Variants in ROBO1 observed in about 807,000 individuals in gnomAD.
ROBO1 encodes roundabout guidance receptor 1.
Under a neutral mutation model 195.9 loss-of-function variants are expected in ROBO1, and 149 were observed. That is an observed-to-expected ratio of 0.76 (90% CI 0.67 to 0.87). The LOEUF is 0.87. Among genes scored for constraint, ROBO1 ranks in the 40% least tolerant of loss-of-function variants. ROBO1 has a pLI of 0.00. For synonymous variants in ROBO1, 816 were observed against 733.2 expected, an observed-to-expected ratio of 1.11 and a Z score of -1.82; for missense variants, 1,933 against 2,068.3, an observed-to-expected ratio of 0.93 and a Z score of 1.27.
chr3:79,684,386 T>C (rs1482208444), intron 1 of ROBO1, among the ~76,000 whole-genome samples: 1 of 152,124 alleles, frequency 6.6e-6, no homozygotes, highest in African/African-American at 2.4e-5. Flanking sequence ...GATTTCCTTA[T>C]GATTCTTTCC....
chr3:78,696,649 T>C (rs1411638095), intron 8 of ROBO1, among the ~76,000 whole-genome samples: 5 of 146,890 alleles, frequency 3.4e-5, no homozygotes, highest in African/African-American at 1.3e-4. Flanking sequence ...TATATATATA[T>C]ATACACATAT....
At chr3:79,102,957 G>A (rs748902686) in intron 3 of ROBO1, among the ~76,000 whole-genome samples, 5 of 151,640 alleles carry the variant, frequency 3.3e-5, no homozygotes, top group African/African-American at 1.2e-4. Flanking sequence ...TAAAAATGTT[G>A]TATGTATTTG....
chr3:79,486,565 C>T (rs1939171297), intron 2 of ROBO1, among the ~76,000 whole-genome samples: 1 of 152,142 alleles, frequency 6.6e-6, no homozygotes, highest in African/African-American at 2.4e-5. Flanking sequence ...AAAAAGGTTA[C>T]ATGAACAAAT....
chr3:79,472,390 A>C (rs151222590), intron 2 of ROBO1, among the ~76,000 whole-genome samples: 85 of 152,228 alleles, frequency 5.6e-4, no homozygotes, highest in Non-Finnish European at 1.0e-3. Flanking sequence ...ACCGTTAAAT[A>C]TATCCAATAA....
At chr3:78,965,289 T>A (rs1371563165) in intron 3 of ROBO1, among the ~76,000 whole-genome samples, 4 of 152,176 alleles carry the variant, frequency 2.6e-5, no homozygotes. Flanking sequence ...CATTCAAGAT[T>A]TAATGCTGAA....
At chr3:79,375,503 C>T (rs2036349000) in intron 2 of ROBO1, among the ~76,000 whole-genome samples, 1 of 152,176 alleles carries the variant, frequency 6.6e-6, no homozygotes, top group Non-Finnish European at 1.5e-5. Context: ...TTCTAATGCT[C>T]AGAGTTGAAA....
At chr3:79,583,683 C>A (rs976309181) in intron 2 of ROBO1, among the ~76,000 whole-genome samples, 3 of 151,754 alleles carry the variant, frequency 2.0e-5, no homozygotes, top group Non-Finnish European at 4.4e-5. Flanking sequence ...TATCATTAAT[C>A]TACTAGTGTT....
chr3:78,830,773 C>T (rs2032103434), intron 4 of ROBO1, among the ~76,000 whole-genome samples: 1 of 152,130 alleles, frequency 6.6e-6, no homozygotes, highest in African/African-American at 2.4e-5. Context: ...GAATTTCTAG[C>T]AGAAAGTTTC....
intron 3 of ROBO1, among the ~76,000 whole-genome samples, chr3:78,986,376 G>T (rs147185189): frequency 6.6e-6 from 1 of 151,750 alleles, no homozygotes; most frequent in Non-Finnish European, 1.5e-5. Context: ...AGGAAAAAAA[G>T]AATAAAACCT....
At chr3:78,765,392 T>G (rs2083205396) in intron 4 of ROBO1, among the ~76,000 whole-genome samples, 1 of 152,012 alleles carries the variant, frequency 6.6e-6, no homozygotes, top group South Asian at 2.1e-4. Context: ...AACATAAAAT[T>G]TATTATTAAA....
In ROBO1 at chr3:78,822,093, T is replaced by C. The variant is rs199828130; in HGVS notation, c.500-75193A>G. Among the ~76,000 whole-genome samples the C allele has an allele frequency of 1.2e-4, 18 of 146,950 alleles. No homozygotes were observed. In the South Asian group the frequency reaches 1.3e-3, roughly 11 times the overall value. On this transcript the variant is annotated intron_variant, in intron 4 of 30. Coordinates refer to ENST00000464233, the MANE Select transcript of ROBO1 (RefSeq NM_002941.4). ...AGTCTCTGGGAAACACACATATACA[T>C]ACACACACACACACACACACACACA...
At chr3:79,574,874 C>A (rs1270612088) in intron 2 of ROBO1, among the ~76,000 whole-genome samples, 1 of 151,212 alleles carries the variant, frequency 6.6e-6, no homozygotes, top group Non-Finnish European at 1.5e-5. Flanking sequence ...AAGTCACAAT[C>A]AACTAAACAC....
intron 2 of ROBO1, among the ~76,000 whole-genome samples, chr3:79,359,871 T>C (rs2035701798): frequency 6.6e-6 from 1 of 151,910 alleles, no homozygotes; most frequent in Non-Finnish European, 1.5e-5. Context: ...GCAGTAGGCG[T>C]GCTGGACTTC....
intron 2 of ROBO1, among the ~76,000 whole-genome samples, chr3:79,367,832 C>A (rs1197402520): frequency 6.6e-6 from 1 of 152,186 alleles, no homozygotes; most frequent in Non-Finnish European, 1.5e-5. Context: ...TTAAGCCATA[C>A]ATTTCATGAA....
At chr3:79,642,168 G>A (rs1340629469) in intron 1 of ROBO1, among the ~76,000 whole-genome samples, 3 of 152,158 alleles carry the variant, frequency 2.0e-5, no homozygotes, top group South Asian at 2.1e-4. Flanking sequence ...ACAGCAGAAT[G>A]GATCAAGTAG....
At chr3:79,390,773 G>GA (rs2036917305) in intron 2 of ROBO1, among the ~76,000 whole-genome samples, 1 of 151,962 alleles carries the variant, frequency 6.6e-6, no homozygotes, top group Non-Finnish European at 1.5e-5. Flanking sequence ...AAACTTAGGA[G>GA]AAAAATGTAG....
Position 79,536,550 on chromosome 3 carries a change from T to G in ROBO1, c.88+53274A>C, listed in dbSNP as rs111640860. Among the ~76,000 whole-genome samples, 916 of 152,296 alleles carry G rather than the reference T, an allele frequency of 6.0e-3. 10 individuals carry two copies. Among genetic ancestry groups the G allele is most frequent in the African/African-American group, 0.021 (867 of 41,574 alleles). On this transcript the variant is annotated intron_variant, in intron 2 of 30. Coordinates refer to ENST00000464233, the MANE Select transcript of ROBO1 (RefSeq NM_002941.4). ...GATCAAATTTATGTATTAATTTGAT[T>G]GCACACAGATGTTTAGAAGAATTTT...
intron 3 of ROBO1, among the ~76,000 whole-genome samples, chr3:79,028,966 C>A (rs1195151840): frequency 2.6e-5 from 4 of 151,972 alleles, no homozygotes; most frequent in African/African-American, 9.7e-5. Context: ...TAAATAGTTA[C>A]CTTTGGAAAA....
intron 2 of ROBO1, among the ~76,000 whole-genome samples, chr3:79,585,174 G>T (rs1943789783): frequency 6.6e-6 from 1 of 151,792 alleles, no homozygotes; most frequent in South Asian, 2.1e-4. Flanking sequence ...GTTTCTGTAA[G>T]TCATAATACA....
Sources: gnomAD v4.1 joint callset for allele counts (sites outside exome capture counted in the v4.1 genomes callset) on GRCh38, gnomAD v4.1.1 for gene constraint, MANE v1.5 for transcripts, NCBI Gene and HGNC (gene_info 2026-07-23, HGNC 2026-07-21) for gene names.